Variants in CACNA2D1 observed in about 807,000 individuals in gnomAD.
CACNA2D1 encodes the protein calcium voltage-gated channel auxiliary subunit alpha2delta 1.
Under a neutral mutation model 171.5 loss-of-function variants are expected in CACNA2D1, and 53 were observed. That is an observed-to-expected ratio of 0.31 (90% confidence interval 0.25 to 0.39). The LOEUF is 0.39. CACNA2D1 is among the 10% of genes least tolerant of loss of function. CACNA2D1 has a pLI of 1.00. For missense variants in CACNA2D1, 903 were observed against 1,299.8 expected (o/e 0.69, Z 4.69); for synonymous variants, 442 against 443.1 (o/e 1.00, Z 0.03).
At chr7:82,185,404 A>G (rs1797558220) in intron 3 of CACNA2D1, among the ~76,000 whole-genome samples, 1 of 147,788 alleles carries the variant, frequency 6.8e-6, no homozygotes. Flanking sequence ...ACTCAAAAGG[A>G]GCAATGTTAC....
chr7:81,989,254 GA>G (rs1200743849), intron 21 of CACNA2D1, among the ~76,000 whole-genome samples: 1 of 152,180 alleles, frequency 6.6e-6, no homozygotes, highest in Non-Finnish European at 1.5e-5. Context: ...AAGGTCAAAT[GA>G]TTTACGCCAC....
At chr7:82,434,307 C>T (rs190955426) in intron 1 of CACNA2D1, among the ~76,000 whole-genome samples, 14 of 152,206 alleles carry the variant, frequency 9.2e-5, no homozygotes, top group East Asian at 1.9e-4. Flanking sequence ...CAATCCCAAA[C>T]GGCCTAATAT....
intron 6 of CACNA2D1, among the ~76,000 whole-genome samples, chr7:82,103,356 A>G (rs1220623148): frequency 2.6e-5 from 4 of 152,210 alleles, no homozygotes; most frequent in Non-Finnish European, 5.9e-5. Flanking sequence ...AGAATTACCC[A>G]TGTTGTTCTA....
intron 3 of CACNA2D1, among the ~76,000 whole-genome samples, chr7:82,327,242 T>C (rs1345711127): frequency 6.6e-6 from 1 of 152,204 alleles, no homozygotes; most frequent in East Asian, 1.9e-4. Context: ...AGAGAAGCAG[T>C]GGCCTAGCTA....
In CACNA2D1 at chr7:82,111,407, CATATATGTGTAT is replaced by C. The variant is rs1788398234; in HGVS notation, c.526+5625_526+5636del. Among the ~76,000 whole-genome samples, 2 of 69,092 alleles carry C rather than the reference CATATATGTGTAT, an allele frequency of 2.9e-5. 1 individual carries two copies. The highest frequency in any genetic ancestry group is 1.1e-4 in the African/African-American group (2 of 18,410). 45.3% of individuals were successfully genotyped at this position (69,092 alleles called of 152,430 possible). A position where few individuals can be genotyped will look rare whatever the true frequency, so the allele number is the denominator to read the frequency against. On this transcript the variant is annotated intron_variant, in intron 6 of 38. Transcript: ENST00000356860. ...ATGTGTATATATGTATATATATATT[CATATATGTGTAT>C]ATATGTGTGTATATATATATATATA...
At chr7:82,344,779 T>C (rs1819058210) in intron 2 of CACNA2D1, among the ~76,000 whole-genome samples, 1 of 152,192 alleles carries the variant, frequency 6.6e-6, no homozygotes, top group South Asian at 2.1e-4. Context: ...GTTATGGTGC[T>C]GATTTAGTTA....
rs60187377 is a variant in CACNA2D1, at chr7:82,222,915, T to G, written c.295-52306A>C. On this transcript the variant is annotated intron_variant, in intron 3 of 38. Transcript: ENST00000356860. ...CTTTCTTTCTTTTTTTTTTTTTGTT[T>G]GTTTGTTTGTTTGTTTGAGATGTAG... 5.5e-3 allele frequency among the ~76,000 whole-genome samples: 827 copies of G among 150,742 alleles called. 6 individuals are homozygous for G. The highest frequency in any genetic ancestry group is 0.019 in the African/African-American group (779 of 41,080).
intron 3 of CACNA2D1, among the ~76,000 whole-genome samples, chr7:82,304,643 G>A (rs12538591): frequency 0.18 from 27,161 of 152,072 alleles, 2,463 homozygotes; most frequent in South Asian, 0.28. Flanking sequence ...ACATGTGGAT[G>A]CTAAAAAAGT....
chr7:82,443,795 C>T (rs1167071262), upstream of CACNA2D1: 40 of 952,856 alleles, frequency 4.2e-5, no homozygotes, highest in South Asian at 1.6e-4. Flanking sequence ...TCGGTTTCCT[C>T]CCTGATTTAT....
intron 4 of CACNA2D1, among the ~76,000 whole-genome samples, chr7:82,149,268 C>T (rs752935592): frequency 4.6e-5 from 7 of 152,102 alleles, no homozygotes; most frequent in Non-Finnish European, 1.0e-4. Flanking sequence ...ATTCCACAGA[C>T]AAGATGTTCA....
rs1188665733 is a variant in CACNA2D1, at chr7:82,111,442, ATAT to A, written c.526+5599_526+5601del. Among the ~76,000 whole-genome samples, 191 of 98,816 alleles carry A rather than the reference ATAT, an allele frequency of 1.9e-3. 15 individuals are homozygous for A. The highest frequency in any genetic ancestry group is 5.1e-3 in the Middle Eastern group (1 of 198). The allele number at this position is 98,816 out of a possible 152,430, so 64.8% of individuals were successfully genotyped here. ...TATATATGTGTGTATATATATATATATATTTTTTTTTTTTTTTTTTTTTGAGAC... is the reference window on the plus strand; with the variant it reads ...TATATATGTGTGTATATATATATATATTTTTTTTTTTTTTTTTTTTGAGAC... On this transcript the variant is annotated intron_variant, in intron 6 of 38. Coordinates refer to ENST00000356860, the MANE Select transcript of CACNA2D1 (RefSeq NM_000722.4).
At chr7:82,393,295 A>G (rs1461055621) in intron 1 of CACNA2D1, among the ~76,000 whole-genome samples, 1 of 152,200 alleles carries the variant, frequency 6.6e-6, no homozygotes, top group Non-Finnish European at 1.5e-5. Flanking sequence ...CAATAGGGAA[A>G]CATTGACCTC....
chr7:82,436,849 A>G (rs1830151134), intron 1 of CACNA2D1, among the ~76,000 whole-genome samples: 2 of 152,250 alleles, frequency 1.3e-5, no homozygotes, highest in Non-Finnish European at 2.9e-5. Flanking sequence ...TGGCATTATT[A>G]ATATTTAACC....
At chr7:82,202,228 C>T (rs1317061954) in intron 3 of CACNA2D1, among the ~76,000 whole-genome samples, 1 of 152,226 alleles carries the variant, frequency 6.6e-6, no homozygotes, top group East Asian at 1.9e-4. Context: ...GTACCCATGA[C>T]TTGCTGGCGC....
At chr7:81,997,965 G>A (rs1206688425) in intron 18 of CACNA2D1, among the ~76,000 whole-genome samples, 1 of 151,830 alleles carries the variant, frequency 6.6e-6, no homozygotes, top group African/African-American at 2.4e-5. Context: ...TCTTGCTGGT[G>A]TATAATAATA....
intron 1 of CACNA2D1, among the ~76,000 whole-genome samples, chr7:82,383,742 C>G (rs1823979406): frequency 6.6e-6 from 1 of 152,182 alleles, no homozygotes; most frequent in African/African-American, 2.4e-5. Context: ...ACTTTGCCTA[C>G]ATTCTCCTAT....
At chr7:82,381,313 C>CAAAA (rs11307965) in intron 1 of CACNA2D1, among the ~76,000 whole-genome samples, 2 of 74,614 alleles carry the variant, frequency 2.7e-5, no homozygotes, top group African/African-American at 9.1e-5. Flanking sequence ...GACTCTGTCT[C>CAAAA]AAAAAAAAAA....
At chr7:82,297,928 A>G (rs750404817) in intron 3 of CACNA2D1, among the ~76,000 whole-genome samples, 2 of 152,160 alleles carry the variant, frequency 1.3e-5, no homozygotes, top group Non-Finnish European at 2.9e-5. Context: ...TTTATTGCCA[A>G]GGGGTGGTTT....
intron 37 of CACNA2D1, 55 bp from the exon 38 acceptor site, chr7:81,959,412 T>G (rs1029030428): frequency 8.5e-7 from 1 of 1,174,438 alleles, no homozygotes; most frequent in Non-Finnish European, 1.3e-6. Context: ...TGATTAAAAA[T>G]AAATACAATG....
Sources: allele counts gnomAD v4.1 joint callset (sites outside exome capture counted in the v4.1 genomes callset), GRCh38; gene constraint gnomAD v4.1.1; transcripts MANE v1.5; gene names NCBI Gene and HGNC (gene_info 2026-07-23, HGNC 2026-07-21).